Variants in PPP2R2B observed in about 807,000 individuals in gnomAD.
The protein encoded by PPP2R2B is serine/threonine-protein phosphatase 2A 55 kDa regulatory subunit B beta isoform.
In PPP2R2B, 5 loss-of-function variants were observed where a neutral mutation model predicts 46.0. The ratio of observed to expected loss-of-function variants is 0.11; its 90% CI spans 0.06 to 0.23. PPP2R2B has a LOEUF of 0.23. PPP2R2B is among the 10% of genes least tolerant of loss of function. The probability of loss-of-function intolerance (pLI) is 1.00; values close to 1 mark genes in which losing one functional copy is unlikely to be tolerated. For synonymous variants in PPP2R2B, 215 were observed against 206.7 expected (o/e 1.04, Z -0.34); for missense variants, 367 against 575.0 (o/e 0.64, Z 3.70).
chr5:146,926,397 CT>C (rs200782664), intron 1 of PPP2R2B, among the ~76,000 whole-genome samples: 135 of 150,962 alleles, frequency 8.9e-4, no homozygotes, highest in African/African-American at 3.1e-3. Context: ...TATTTATTTA[CT>C]TTTTTTTTGT....
rs570524242 is a variant in PPP2R2B, at chr5:146,865,689, G to A, written c.70+12313C>T. ...ACAGACACTGATTAGAAGGGATATG[G>A]CTATGTGTGAGGACTCTAATGAGCT... On this transcript the variant is annotated intron_variant, in intron 2 of 9. Coordinates refer to ENST00000394411, the MANE Select transcript of PPP2R2B (RefSeq NM_181675.4). 1.6e-4 allele frequency among the ~76,000 whole-genome samples: 25 copies of A among 152,226 alleles called. No individual in the cohort carries two copies. The South Asian group carries it at 4.4e-3, about 27-fold the overall frequency.
chr5:147,001,190 T>C (rs1561567659), intron 1 of PPP2R2B, among the ~76,000 whole-genome samples: 1 of 152,190 alleles, frequency 6.6e-6, no homozygotes, highest in Non-Finnish European at 1.5e-5. Flanking sequence ...GAATAAAAGC[T>C]GGCCACCCAA....
chr5:147,056,239 G>A (rs911575262), upstream of PPP2R2B: 21 of 460,236 alleles, frequency 4.6e-5, no homozygotes, highest in Non-Finnish European at 5.4e-5. Flanking sequence ...CTGTTAAAAG[G>A]AGCCACCCGT....
Position 146,877,996 on chromosome 5 carries a change from CG to C in PPP2R2B, c.70+5del. 6.2e-7 allele frequency: 1 copy of C among 1,609,226 alleles called. No individual in the cohort carries two copies. Among genetic ancestry groups the C allele is most frequent in the Non-Finnish European group, 8.5e-7 (1 of 1,176,982 alleles). ...CAACGGCGGAATGCGGCGGGGCTGG[CG>C]TTACCTTCGGTCGCATAGCTGTGGT... On this transcript the variant is annotated splice_donor_5th_base_variant and intron_variant, in intron 2 of 9. Transcript: ENST00000394411.
At chr5:146,803,667 G>A (rs1177746337) in intron 2 of PPP2R2B, among the ~76,000 whole-genome samples, 1 of 152,088 alleles carries the variant, frequency 6.6e-6, no homozygotes, top group African/African-American at 2.4e-5. Context: ...AAAATATAAG[G>A]AAAGCTTAGC....
intron 2 of PPP2R2B, among the ~76,000 whole-genome samples, chr5:146,846,763 T>C (rs1404732634): frequency 6.6e-6 from 1 of 152,230 alleles, no homozygotes; most frequent in Admixed American, 6.5e-5. Context: ...TGGCTTATGT[T>C]AGATCTCTTG....
At chr5:146,669,669 T>C (rs1777218782) in intron 5 of PPP2R2B, among the ~76,000 whole-genome samples, 4 of 152,308 alleles carry the variant, frequency 2.6e-5, no homozygotes, top group Middle Eastern at 3.4e-3. Context: ...AAGTGCTTAC[T>C]GTCCCCTGTA....
At chr5:146,650,423 A>G (rs1335246782) in intron 6 of PPP2R2B, 124 bp downstream of exon 6, 3 of 858,950 alleles carry the variant, frequency 3.5e-6, no homozygotes, top group Non-Finnish European at 3.5e-6. Flanking sequence ...AGTGTATTTT[A>G]AAAGGGGCAA....
Position 146,593,062 on chromosome 5 carries a change from C to A in PPP2R2B, c.961G>T (p.Val321Phe). ...AGCTTGCTGCGGAGGTAGTCATGAA[C>A]CTGGAGAGGAAACATATCGAGAAGG... The part of the protein sequence containing the change: ...MENRPIETYQ[V>F]HDYLRSKLCS... Residue 321 changes from valine to phenylalanine, a missense_variant and splice_region_variant, in exon 9 of 10, where the codon GTT (valine) becomes TTT (phenylalanine). Val to Phe is a conservative substitution (Grantham distance 50). Transcript: ENST00000394411. 3.7e-6 allele frequency: 6 copies of A among 1,608,550 alleles called. No homozygotes were observed. Among genetic ancestry groups the A allele is most frequent in the Non-Finnish European group, 5.1e-6 (6 of 1,174,924 alleles).
chr5:146,905,170 A>G (rs925339834), intron 1 of PPP2R2B, among the ~76,000 whole-genome samples: 12 of 152,174 alleles, frequency 7.9e-5, no homozygotes, highest in African/African-American at 2.7e-4. Context: ...ACATGGAGCA[A>G]TTGGGACTCT....
chr5:146,869,732 C>A (rs376328980), intron 2 of PPP2R2B, among the ~76,000 whole-genome samples: 1 of 152,088 alleles, frequency 6.6e-6, no homozygotes, highest in East Asian at 1.9e-4. Context: ...TGCTTGAATC[C>A]TTTTAAGTAA....
At chr5:146,737,390 G>C (rs1185648568) in intron 2 of PPP2R2B, among the ~76,000 whole-genome samples, 1 of 152,184 alleles carries the variant, frequency 6.6e-6, no homozygotes, top group East Asian at 1.9e-4. Context: ...TACAGATAAA[G>C]AGCCTGAAGA....
At chr5:146,743,514 C>T (rs1050101320) in intron 2 of PPP2R2B, among the ~76,000 whole-genome samples, 3 of 152,182 alleles carry the variant, frequency 2.0e-5, no homozygotes, top group African/African-American at 7.2e-5. Flanking sequence ...TTAAATTTAG[C>T]TTAGTGACTC....
intron 2 of PPP2R2B, among the ~76,000 whole-genome samples, chr5:146,812,825 A>G (rs1408874028): frequency 6.5e-5 from 6 of 91,642 alleles, no homozygotes; most frequent in African/African-American, 1.2e-4. Flanking sequence ...ATATATATAT[A>G]TATACACACA....
At chr5:147,064,187 C>T (rs778510252) in intron 2 of PPP2R2B, among the ~76,000 whole-genome samples, 18 of 152,210 alleles carry the variant, frequency 1.2e-4, no homozygotes, top group Admixed American at 3.9e-4. Context: ...ATCTGGATTA[C>T]ATCTGGAGAG....
At chr5:146,927,816 C>T (rs1448640803) in intron 1 of PPP2R2B, among the ~76,000 whole-genome samples, 1 of 150,772 alleles carries the variant, frequency 6.6e-6, no homozygotes, top group African/African-American at 2.4e-5. Flanking sequence ...TGACTGCAAC[C>T]TCTGCCTCCT....
intron 2 of PPP2R2B, among the ~76,000 whole-genome samples, chr5:146,729,087 A>G (rs1752065615): frequency 6.6e-6 from 1 of 152,174 alleles, no homozygotes; most frequent in African/African-American, 2.4e-5. Flanking sequence ...AGACTTGTTG[A>G]ATGGCTGTGT....
intron 1 of PPP2R2B, among the ~76,000 whole-genome samples, chr5:146,902,416 G>A (rs1217310591): frequency 2.0e-5 from 3 of 151,970 alleles, no homozygotes; most frequent in South Asian, 4.2e-4. Context: ...AATAATAATA[G>A]CAATAATAAT....
intron 1 of PPP2R2B, among the ~76,000 whole-genome samples, chr5:146,897,877 T>C (rs956984949): frequency 2.0e-5 from 3 of 152,140 alleles, no homozygotes; most frequent in African/African-American, 7.2e-5. Flanking sequence ...TAAAATATAC[T>C]GGTCAAGGAA....
Sources: allele counts gnomAD v4.1 joint callset (sites outside exome capture counted in the v4.1 genomes callset), GRCh38; gene constraint gnomAD v4.1.1; transcripts MANE v1.5; gene names NCBI Gene and HGNC (gene_info 2026-07-23, HGNC 2026-07-21).